The following KCNMA1 variants were observed in gnomAD, a reference collection of about 807,000 sequenced individuals.
The protein encoded by KCNMA1 is Calcium-activated potassium channel subunit alpha-1.
A neutral mutation model predicts 140.0 loss-of-function variants in KCNMA1; 29 were observed. The observed-to-expected ratio is 0.21, with a 90% CI of 0.15 to 0.28. The LOEUF (loss-of-function observed/expected upper bound fraction) is 0.28, where lower values mean the gene tolerates loss of function less well. KCNMA1 is among the 10% of genes least tolerant of loss of function. The pLI is 1.00. For synonymous variants in KCNMA1, 612 were observed against 611.9 expected (o/e 1.00, Z 0.00); for missense variants, 880 against 1,602.2 (o/e 0.55, Z 7.70).
intron 14 of KCNMA1, among the ~76,000 whole-genome samples, chr10:77,054,064 A>G (rs1367525534): frequency 6.6e-6 from 1 of 152,142 alleles, no homozygotes; most frequent in Non-Finnish European, 1.5e-5. Context: ...TGTGGTAGCA[A>G]TTTTGGATAA....
intron 1 of KCNMA1, among the ~76,000 whole-genome samples, chr10:77,611,603 T>G (rs917909918): frequency 2.6e-5 from 4 of 151,986 alleles, no homozygotes; most frequent in African/African-American, 7.3e-5. Flanking sequence ...GCCCGGCACA[T>G]AGCGAGTTCT....
At chr10:77,036,004 T>C (rs1225457521) in intron 15 of KCNMA1, among the ~76,000 whole-genome samples, 1 of 152,166 alleles carries the variant, frequency 6.6e-6, no homozygotes, top group Non-Finnish European at 1.5e-5. Context: ...CTGGGAGAAG[T>C]AGATCCACCC....
At position 77,338,477 on chromosome 10, in the gene KCNMA1, G is replaced by A. The variant is rs147632397; in HGVS notation, c.540+65385C>T. Among the ~76,000 whole-genome samples, 313 of 152,266 alleles carry A rather than the reference G, an allele frequency of 2.1e-3. 1 individual carries two copies. Among genetic ancestry groups the A allele is most frequent in the African/African-American group, 7.1e-3 (293 of 41,550 alleles). ...CGAAAATCCTCCCCTGCAGCCAGAG[G>A]CCCTTACAGACCCTAAGCCTCTGCT... On this transcript the variant is annotated intron_variant, in intron 2 of 27. Coordinates refer to ENST00000286628, the MANE Select transcript of KCNMA1 (RefSeq NM_001161352.2).
chr10:77,399,845 A>G (rs987720316), intron 2 of KCNMA1, among the ~76,000 whole-genome samples: 4 of 152,180 alleles, frequency 2.6e-5, no homozygotes, highest in African/African-American at 9.7e-5. Flanking sequence ...GTAAACACTT[A>G]GTGAATAACG....
chr10:77,569,694 A>G (rs1297100888), intron 1 of KCNMA1, among the ~76,000 whole-genome samples: 1 of 152,246 alleles, frequency 6.6e-6, no homozygotes, highest in Admixed American at 6.5e-5. Flanking sequence ...TTCATGTCTA[A>G]AACACCAAAA....
intron 1 of KCNMA1, among the ~76,000 whole-genome samples, chr10:77,528,105 T>C (rs1227910419): frequency 6.6e-6 from 1 of 152,158 alleles, no homozygotes; most frequent in South Asian, 2.1e-4. Flanking sequence ...GCCCACCACC[T>C]GGGGTTGCTT....
intron 2 of KCNMA1, among the ~76,000 whole-genome samples, chr10:77,356,653 C>T (rs545580258): frequency 6.6e-6 from 1 of 152,184 alleles, no homozygotes; most frequent in Non-Finnish European, 1.5e-5. Context: ...CAGGTCTGGT[C>T]CCTCAAGTCT....
intron 1 of KCNMA1, among the ~76,000 whole-genome samples, chr10:77,551,744 T>A (rs1449114694): frequency 6.6e-6 from 1 of 152,206 alleles, no homozygotes; most frequent in East Asian, 1.9e-4. Flanking sequence ...CTAAGCATGG[T>A]GTGTGTGGAG....
At chr10:77,132,194 T>C (rs1408245610) in intron 5 of KCNMA1, among the ~76,000 whole-genome samples, 2 of 151,950 alleles carry the variant, frequency 1.3e-5, no homozygotes, top group Non-Finnish European at 2.9e-5. Flanking sequence ...CAACTAAATA[T>C]CTTAGCAATT....
chr10:77,135,327 G>T (rs541506058), intron 5 of KCNMA1, among the ~76,000 whole-genome samples: 2 of 152,092 alleles, frequency 1.3e-5, no homozygotes, highest in African/African-American at 2.4e-5. Context: ...GGTTATTATC[G>T]AAAAGACAAA....
chr10:76,887,702 A>G, intron 27 of KCNMA1, 187 bp from the exon 28 acceptor site: 1 of 668,376 alleles, frequency 1.5e-6, no homozygotes, highest in South Asian at 1.9e-5. Context: ...TGTTTAACTC[A>G]ATAAAGGAGG....
At chr10:77,215,520 A>C (rs2154180741) in intron 3 of KCNMA1, among the ~76,000 whole-genome samples, 1 of 152,100 alleles carries the variant, frequency 6.6e-6, no homozygotes, top group East Asian at 1.9e-4. Flanking sequence ...TCATTAGATA[A>C]ATAAATAAAT....
intron 1 of KCNMA1, among the ~76,000 whole-genome samples, chr10:77,524,358 C>T (rs1175063818): frequency 6.6e-6 from 1 of 152,196 alleles, no homozygotes; most frequent in African/African-American, 2.4e-5. Context: ...TTTCCATCCC[C>T]ACGGTAAGAG....
At chr10:77,291,248 G>A (rs959917404) in intron 2 of KCNMA1, among the ~76,000 whole-genome samples, 5 of 152,192 alleles carry the variant, frequency 3.3e-5, no homozygotes, top group East Asian at 1.9e-4. Flanking sequence ...AAAAGTCCCC[G>A]GATTCTAACC....
chr10:77,002,909 C>G (rs1593285803), intron 18 of KCNMA1, among the ~76,000 whole-genome samples: 1 of 152,172 alleles, frequency 6.6e-6, no homozygotes, highest in South Asian at 2.1e-4. Context: ...CCCACACCTT[C>G]CATTTTGAAA....
chr10:77,546,653 G>A (rs1452141515), intron 1 of KCNMA1, among the ~76,000 whole-genome samples: 1 of 152,232 alleles, frequency 6.6e-6, no homozygotes, highest in South Asian at 2.1e-4. Flanking sequence ...TCCAGTGGGA[G>A]AGGAAAGGAC....
At chr10:77,410,150 G>C (rs759940604) in intron 1 of KCNMA1, among the ~76,000 whole-genome samples, 6 of 152,108 alleles carry the variant, frequency 3.9e-5, no homozygotes, top group Non-Finnish European at 8.8e-5. Context: ...AACTTGCAGG[G>C]CAGGTCCCCC....
At chr10:77,103,569 T>G (rs1024207202) in intron 9 of KCNMA1, among the ~76,000 whole-genome samples, 1 of 152,196 alleles carries the variant, frequency 6.6e-6, no homozygotes, top group Admixed American at 6.5e-5. Flanking sequence ...AGCAGATCAC[T>G]ACAATTCTCC....
intron 1 of KCNMA1, among the ~76,000 whole-genome samples, chr10:77,517,247 C>T (rs759779426): frequency 1.3e-5 from 2 of 152,104 alleles, no homozygotes; most frequent in Non-Finnish European, 2.9e-5. Context: ...AGCAGTGTCA[C>T]CGGAACCCAG....
Sources: allele counts gnomAD v4.1 joint callset (sites outside exome capture counted in the v4.1 genomes callset), GRCh38; gene constraint gnomAD v4.1.1; transcripts MANE v1.5; gene names NCBI Gene and HGNC (gene_info 2026-07-23, HGNC 2026-07-21).